Variants in C8orf34 observed in about 807,000 individuals in gnomAD.
The protein encoded by C8orf34 is chromosome 8 open reading frame 34, also known as uncharacterized protein C8orf34.
In C8orf34, 65 loss-of-function variants were observed where a neutral mutation model predicts 68.3. The ratio of observed to expected loss-of-function variants is 0.95; its 90% confidence interval spans 0.78 to 1.17. The LOEUF is 1.17. Ranked by LOEUF, C8orf34 falls within the 50% of genes most tolerant of loss-of-function variation. The probability of loss-of-function intolerance (pLI) is 0.00; values close to 1 mark genes in which losing one functional copy is unlikely to be tolerated. For missense variants in C8orf34, 664 were observed against 655.4 expected (o/e 1.01, Z -0.14); for synonymous variants, 244 against 241.2 (o/e 1.01, Z -0.11).
chr8:68,450,924 C>T (rs1015935980), intron 3 of C8orf34, among the ~76,000 whole-genome samples: 1 of 152,112 alleles, frequency 6.6e-6, no homozygotes, highest in Non-Finnish European at 1.5e-5. Flanking sequence ...ATTGACTTCT[C>T]TCTAGCTATG....
At chr8:68,794,202 C>T (rs1041987159) in intron 12 of C8orf34, among the ~76,000 whole-genome samples, 1 of 151,506 alleles carries the variant, frequency 6.6e-6, no homozygotes, top group African/African-American at 2.4e-5. Flanking sequence ...GACAGGGTCT[C>T]ACTCTGTCAC....
At chr8:68,790,191 C>T (rs1031626297) in intron 12 of C8orf34, among the ~76,000 whole-genome samples, 20 of 152,140 alleles carry the variant, frequency 1.3e-4, no homozygotes, top group African/African-American at 3.4e-4. Flanking sequence ...TTTCAGTCAA[C>T]GCATGTGGTT....
intron 8 of C8orf34, among the ~76,000 whole-genome samples, chr8:68,692,213 G>A (rs1325961112): frequency 6.6e-6 from 1 of 152,034 alleles, no homozygotes; most frequent in African/African-American, 2.4e-5. Flanking sequence ...CAAGGAGGCA[G>A]AGAAGATTTT....
intron 1 of C8orf34, among the ~76,000 whole-genome samples, chr8:68,383,543 A>G: frequency 6.6e-6 from 1 of 152,210 alleles, no homozygotes; most frequent in East Asian, 1.9e-4. Flanking sequence ...ACTCGGGTCT[A>G]GAATGTTTCT....
chr8:68,466,082 G>C (rs1812120317), intron 3 of C8orf34, among the ~76,000 whole-genome samples: 1 of 150,890 alleles, frequency 6.6e-6, no homozygotes, highest in Non-Finnish European at 1.5e-5. Flanking sequence ...CAGCAACACG[G>C]TGAAACTGGA....
chr8:68,573,493 T>C (rs919732098), intron 7 of C8orf34, among the ~76,000 whole-genome samples: 1 of 152,176 alleles, frequency 6.6e-6, no homozygotes, highest in African/African-American at 2.4e-5. Context: ...GTTGTCCCAA[T>C]GGATCTGCAG....
intron 8 of C8orf34, among the ~76,000 whole-genome samples, chr8:68,681,100 T>C (rs7009976): frequency 0.075 from 11,370 of 152,226 alleles, 460 homozygotes; most frequent in Middle Eastern, 0.12. Flanking sequence ...TCAGACCTTA[T>C]GGTTGTCTTC....
At chr8:68,402,271 A>G (rs773434990) in intron 1 of C8orf34, among the ~76,000 whole-genome samples, 1 of 151,614 alleles carries the variant, frequency 6.6e-6, no homozygotes, top group Non-Finnish European at 1.5e-5. Context: ...TTCATTTCTG[A>G]TTTTGTATAT....
In C8orf34 at chr8:68,385,192, A is replaced by G. The variant is rs1179246711; in HGVS notation, c.327+53853A>G. On this transcript the variant is annotated intron_variant, in intron 1 of 13. Transcript: ENST00000518698. ...CTGGGTATTATTTGATCCTTACCTC[A>G]ACCTTATGTGGTAATTTTGTCAGCC... Among the ~76,000 whole-genome samples the G allele has an allele frequency of 2.6e-5, 4 of 152,240 alleles. No individual in the cohort carries two copies. The East Asian group carries it at 7.8e-4, about 30-fold the overall frequency.
chr8:68,381,600 C>CG, intron 1 of C8orf34, among the ~76,000 whole-genome samples: 1 of 150,610 alleles, frequency 6.6e-6, no homozygotes, highest in Non-Finnish European at 1.5e-5. Context: ...GGCGCGGTGG[C>CG]GGGCGCCTGT....
At chr8:68,348,652 G>T (rs1092885) in intron 1 of C8orf34, among the ~76,000 whole-genome samples, 31,832 of 151,778 alleles carry the variant, frequency 0.21, 4,996 homozygotes, top group African/African-American at 0.44. Flanking sequence ...GCAGTGTTTT[G>T]TAATGCTTGT....
At chr8:68,514,651 A>C (rs551487209) in intron 5 of C8orf34, among the ~76,000 whole-genome samples, 90 of 152,360 alleles carry the variant, frequency 5.9e-4, no homozygotes, top group African/African-American at 2.1e-3. Context: ...TATGAGGAGA[A>C]ATAGCAGTGC....
chr8:68,403,506 G>A (rs1809049692), intron 1 of C8orf34, among the ~76,000 whole-genome samples: 1 of 151,990 alleles, frequency 6.6e-6, no homozygotes, highest in Non-Finnish European at 1.5e-5. Flanking sequence ...CCTACATTAG[G>A]TATTTCTCCT....
intron 8 of C8orf34, among the ~76,000 whole-genome samples, chr8:68,668,096 T>C (rs1162992664): frequency 6.6e-6 from 1 of 151,854 alleles, no homozygotes; most frequent in East Asian, 1.9e-4. Context: ...TCAAGAAAAA[T>C]CCTTTTGAAA....
At chr8:68,759,730 C>T (rs1822972361) in intron 10 of C8orf34, among the ~76,000 whole-genome samples, 1 of 152,188 alleles carries the variant, frequency 6.6e-6, no homozygotes, top group Admixed American at 6.5e-5. Context: ...GTTTAAAATT[C>T]ACTGAATTCT....
chr8:68,573,097 C>T lies in C8orf34; in HGVS notation c.1105+39948C>T, dbSNP rs568093724. On this transcript the variant is annotated intron_variant, in intron 7 of 13. Coordinates refer to ENST00000518698, the MANE Select transcript of C8orf34 (RefSeq NM_052958.4). Reference sequence around the variant, plus strand: ...TCTATCCCTGGCCTCTCTTCATGACCGACTCTAGTTAAACATTGTAGTCTA... The same window carrying T: ...TCTATCCCTGGCCTCTCTTCATGACTGACTCTAGTTAAACATTGTAGTCTA... Among the ~76,000 whole-genome samples, 8 of 152,162 alleles carry T rather than the reference C, an allele frequency of 5.3e-5. No individual in the cohort carries two copies. In the South Asian group the frequency reaches 6.2e-4, roughly 12 times the overall value.
intron 12 of C8orf34, among the ~76,000 whole-genome samples, chr8:68,808,191 A>T (rs560427140): frequency 5.7e-4 from 87 of 152,324 alleles, no homozygotes; most frequent in African/African-American, 1.9e-3. Flanking sequence ...ACAGGTTTTT[A>T]AAAAATATTT....
Position 68,684,198 on chromosome 8 carries a change from G to A in C8orf34, c.1242-24796G>A, listed in dbSNP as rs561360759. ...TAATGAACTCATAAAAATACAGAGT[G>A]TGATGGGGCTTCCTTCTGAGAGCCA... On this transcript the variant is annotated intron_variant, in intron 8 of 13. Transcript: ENST00000518698. Among the ~76,000 whole-genome samples the A allele has an allele frequency of 2.0e-5, 3 of 152,218 alleles. No individual in the cohort carries two copies. The South Asian group carries it at 6.2e-4, about 32-fold the overall frequency.
At chr8:68,543,865 A>G (rs1285538357) in intron 7 of C8orf34, among the ~76,000 whole-genome samples, 4 of 152,180 alleles carry the variant, frequency 2.6e-5, no homozygotes, top group African/African-American at 4.8e-5. Context: ...AAAATATCTG[A>G]ACTTGACTCT....
Sources: gnomAD v4.1 joint callset for allele counts (sites outside exome capture counted in the v4.1 genomes callset) on GRCh38, gnomAD v4.1.1 for gene constraint, MANE v1.5 for transcripts, NCBI Gene and HGNC (gene_info 2026-07-23, HGNC 2026-07-21) for gene names.